Variants in INSYN2A observed in about 807,000 individuals in gnomAD.
The protein encoded by INSYN2A is inhibitory synaptic factor 2A, also known as family with sequence similarity 196 member A.
In INSYN2A, 17 loss-of-function variants were observed where a neutral mutation model predicts 39.4. The observed-to-expected ratio is 0.43, with a 90% CI of 0.30 to 0.65. The LOEUF (loss-of-function observed/expected upper bound fraction) is 0.65. Among genes scored for constraint, INSYN2A ranks in the 30% least tolerant of loss-of-function variants. The pLI, the probability that INSYN2A is intolerant of heterozygous loss-of-function variation, is 0.14. For synonymous variants in INSYN2A, 255 were observed against 265.7 expected (o/e 0.96, Z 0.39); for missense variants, 595 against 631.2 (o/e 0.94, Z 0.61).
chr10:127,165,914 C>T (rs762935788), intron 4 of INSYN2A, among the ~76,000 whole-genome samples: 37 of 152,264 alleles, frequency 2.4e-4, no homozygotes, highest in Admixed American at 5.2e-4. Flanking sequence ...TCTCTAGCAC[C>T]GGAAAGATGC....
chr10:127,135,509 T>C lies in INSYN2A; in HGVS notation c.*2328A>G, dbSNP rs889303186. 7.2e-5 allele frequency: 11 copies of C among 152,660 alleles called. No homozygotes were observed. The highest frequency in any genetic ancestry group is 6.5e-4 in the Admixed American group (10 of 15,282). 9.5% of individuals were successfully genotyped at this position (152,660 alleles called of 1,614,324 possible). A position where few individuals can be genotyped will look rare whatever the true frequency, so the allele number is the denominator to read the frequency against. Reference sequence around the variant, plus strand: ...AATTTAATCTCTATATGCAATGCCATGTGTACATCTACATAAGGGAACCCT... The same window carrying C: ...AATTTAATCTCTATATGCAATGCCACGTGTACATCTACATAAGGGAACCCT... On this transcript the variant is annotated 3_prime_UTR_variant, in exon 6 of 6. Coordinates refer to ENST00000522781, the MANE Select transcript of INSYN2A (RefSeq NM_001039762.3).
intron 4 of INSYN2A, among the ~76,000 whole-genome samples, chr10:127,163,615 A>G (rs1226849939): frequency 6.6e-6 from 1 of 152,158 alleles, no homozygotes; most frequent in Admixed American, 6.5e-5. Flanking sequence ...TGAAAGGGAA[A>G]ATAGGACTCT....
intron 5 of INSYN2A, among the ~76,000 whole-genome samples, chr10:127,150,163 G>A (rs2052347000): frequency 6.6e-6 from 1 of 152,192 alleles, no homozygotes; most frequent in Middle Eastern, 3.2e-3. Flanking sequence ...GGCCACCCAT[G>A]TACACTGCTA....
chr10:127,152,023 ATT>A lies in INSYN2A; in HGVS notation c.1256+1827_1256+1828del, dbSNP rs879571862. On this transcript the variant is annotated intron_variant, in intron 5 of 5. Transcript: ENST00000522781. ...AAACAGTGTTCACATATATATATAT[ATT>A]TTTTTTCGATCACCCACAGAATATT... Among the ~76,000 whole-genome samples, 368 of 56,562 alleles carry A rather than the reference ATT, an allele frequency of 6.5e-3. 4 individuals carry two copies. Among genetic ancestry groups the A allele is most frequent in the East Asian group, 0.043 (87 of 2,006 alleles). 37.1% of individuals were successfully genotyped at this position (56,562 alleles called of 152,430 possible). A position where few individuals can be genotyped will look rare whatever the true frequency, so the allele number is the denominator to read the frequency against.
chr10:127,195,875 C>T (rs1342119446), intron 1 of INSYN2A, 122 bp downstream of exon 1: 1 of 152,258 alleles, frequency 6.6e-6, no homozygotes. Flanking sequence ...CCGGCCAAGC[C>T]GGTTTGGGGC....
At chr10:127,174,340 C>T (rs559292741) in intron 4 of INSYN2A, among the ~76,000 whole-genome samples, 1 of 152,264 alleles carries the variant, frequency 6.6e-6, no homozygotes, top group South Asian at 2.1e-4. Context: ...AGGCGAAGTC[C>T]GATAACCCCC....
At chr10:127,190,859 C>G (rs1416839903) in intron 2 of INSYN2A, among the ~76,000 whole-genome samples, 1 of 151,942 alleles carries the variant, frequency 6.6e-6, no homozygotes, top group African/African-American at 2.4e-5. Context: ...GAGACTGGCA[C>G]ATTCTCATCT....
Position 127,150,341 on chromosome 10 carries a change from C to T in INSYN2A, c.1256+3511G>A, listed in dbSNP as rs150479273. Among the ~76,000 whole-genome samples the T allele has an allele frequency of 9.2e-3, 1,375 of 149,700 alleles. 5 individuals are homozygous for T. Among genetic ancestry groups the T allele is most frequent in the Non-Finnish European group, 0.015 (1,005 of 67,308 alleles). On this transcript the variant is annotated intron_variant, in intron 5 of 5. Coordinates refer to ENST00000522781, the MANE Select transcript of INSYN2A (RefSeq NM_001039762.3). ...AGCTCAATCCCCATTGCTCACCCTC[C>T]CCTTTCTCTTTGCTCAGTGGGACCC...
chr10:127,195,117 G>A (rs972038271), intron 1 of INSYN2A, among the ~76,000 whole-genome samples: 1 of 152,204 alleles, frequency 6.6e-6, no homozygotes, highest in Admixed American at 6.5e-5. Flanking sequence ...TTTTTGGGTA[G>A]TAGAATGCTG....
intron 4 of INSYN2A, among the ~76,000 whole-genome samples, chr10:127,158,927 T>C (rs1457599607): frequency 6.6e-6 from 1 of 152,210 alleles, no homozygotes; most frequent in Non-Finnish European, 1.5e-5. Context: ...CTGTTGACCC[T>C]CTAGCCTCCC....
Position 127,176,432 on chromosome 10 carries a change from T to C in INSYN2A, c.-5-32A>G, listed in dbSNP as rs935894346. 2 of 1,549,180 alleles carry C rather than the reference T, an allele frequency of 1.3e-6. No homozygotes were observed. The highest frequency in any genetic ancestry group is 2.7e-5 in the African/African-American group (2 of 73,756). On this transcript the variant is annotated intron_variant, in intron 3 of 5. Coordinates refer to ENST00000522781, the MANE Select transcript of INSYN2A (RefSeq NM_001039762.3). The surrounding 1 kb of genome is among the most constrained non-coding windows in gnomAD (Gnocchi z 4.4). ...TCAGAAACAGCAACAGAGGTGTCAG[T>C]GGGACAGAAATACACACTCAAGCAC... is the stretch of plus-strand genomic sequence containing the variant.
chr10:127,195,489 A>G (rs558004153), intron 1 of INSYN2A, among the ~76,000 whole-genome samples: 2 of 152,158 alleles, frequency 1.3e-5, no homozygotes, highest in East Asian at 3.9e-4. Context: ...CCTCTCCTCA[A>G]CGGCCGGCGT....
intron 5 of INSYN2A, among the ~76,000 whole-genome samples, chr10:127,139,912 CAA>C (rs2051061621): frequency 2.0e-5 from 3 of 152,222 alleles, no homozygotes; most frequent in East Asian, 3.9e-4. Flanking sequence ...ATAATGGAAA[CAA>C]GAGCTAAGTA....
At chr10:127,195,288 C>T (rs909579572) in intron 1 of INSYN2A, among the ~76,000 whole-genome samples, 1 of 152,164 alleles carries the variant, frequency 6.6e-6, no homozygotes, top group African/African-American at 2.4e-5. Flanking sequence ...TGCCCTCGCC[C>T]GCCAGCTCGC....
intron 4 of INSYN2A, among the ~76,000 whole-genome samples, chr10:127,161,843 G>A (rs970372636): frequency 6.6e-6 from 1 of 152,224 alleles, no homozygotes; most frequent in Non-Finnish European, 1.5e-5. Flanking sequence ...ATGGAATGAT[G>A]AATGAAGGAA....
At chr10:127,149,807 A>G (rs968132584) in intron 5 of INSYN2A, among the ~76,000 whole-genome samples, 1 of 152,168 alleles carries the variant, frequency 6.6e-6, no homozygotes, top group Non-Finnish European at 1.5e-5. Context: ...TTATTTTGAA[A>G]TTCCTTTAAG....
chr10:127,150,379 C>CCTGTT (rs2052373621), intron 5 of INSYN2A, among the ~76,000 whole-genome samples: 1 of 21,706 alleles, frequency 4.6e-5, no homozygotes, highest in South Asian at 0.017. Flanking sequence ...AGGGAAGTGA[C>CCTGTT]CCTGTGTATC....
At chr10:127,148,308 TGTG>T (rs1427326106) in intron 5 of INSYN2A, among the ~76,000 whole-genome samples, 1 of 152,168 alleles carries the variant, frequency 6.6e-6, no homozygotes, top group Non-Finnish European at 1.5e-5. Context: ...TCCGGGAGGA[TGTG>T]GTCACTCAGG....
rs748989064 is a variant in INSYN2A at position 127,175,943 on chromosome 10, G to A, written c.453C>T (p.Asn151=). The A allele has an allele frequency of 8.1e-6, 13 of 1,614,084 alleles. No homozygotes were observed. The Admixed American group carries it at 8.3e-5, about 10-fold the overall frequency. Residue 151 remains asparagine, a synonymous_variant, in exon 4 of 6, where the codon AAC becomes AAT. Coordinates refer to ENST00000522781, the MANE Select transcript of INSYN2A (RefSeq NM_001039762.3). This position sits in a 1 kb window ranked among gnomAD's most constrained non-coding sequence, Gnocchi z 6.3. Reference sequence around the variant, plus strand: ...GGGCCTCCTCCATGGGTCCAGCCTCGTTCTTCTCTTTCGCATCTGTTAGAA... The same window carrying A: ...GGGCCTCCTCCATGGGTCCAGCCTCATTCTTCTCTTTCGCATCTGTTAGAA... ...NGFLTDAKEK[N]EAGPMEEARP... is the part of the protein sequence containing the mutation.
Sources: allele counts gnomAD v4.1 joint callset (sites outside exome capture counted in the v4.1 genomes callset), GRCh38; gene constraint gnomAD v4.1.1; non-coding constraint Gnocchi (gnomAD v3.1); transcripts MANE v1.5; gene names NCBI Gene and HGNC (gene_info 2026-07-23, HGNC 2026-07-21).